The following NKAIN3 variants were observed in gnomAD, a reference collection of about 807,000 sequenced individuals.
NKAIN3 encodes sodium/potassium transporting ATPase interacting 3, also known as sodium/potassium-transporting ATPase subunit beta-1-interacting protein 3.
A neutral mutation model predicts 30.2 loss-of-function variants in NKAIN3; 25 were observed. The observed-to-expected ratio is 0.83, with a 90% CI of 0.60 to 1.16. NKAIN3 has a LOEUF of 1.16. Among genes scored for constraint, NKAIN3 ranks in the 50% most tolerant of loss-of-function variants. NKAIN3 has a pLI of 0.00. For missense variants in NKAIN3, 225 were observed against 254.1 expected (o/e 0.89, Z 0.78); for synonymous variants, 91 against 89.6 (o/e 1.02, Z -0.09).
intron 1 of NKAIN3, among the ~76,000 whole-genome samples, chr8:62,252,360 C>T (rs372748673): frequency 2.2e-4 from 33 of 152,270 alleles, no homozygotes; most frequent in East Asian, 1.5e-3. Context: ...AAAAGCTTTT[C>T]GTTATCTTAT....
chr8:62,754,079 T>C (rs966512417), intron 4 of NKAIN3, among the ~76,000 whole-genome samples: 3 of 152,110 alleles, frequency 2.0e-5, no homozygotes, highest in African/African-American at 7.2e-5. Context: ...ATATTTTAAA[T>C]AATACTATTT....
intron 3 of NKAIN3, among the ~76,000 whole-genome samples, chr8:62,591,783 G>GTAACATCTCCC (rs1810662197): frequency 6.6e-6 from 1 of 151,964 alleles, no homozygotes; most frequent in South Asian, 2.1e-4. Flanking sequence ...TCAAAGACTG[G>GTAACATCTCCC]TAACATCTCC....
intron 1 of NKAIN3, among the ~76,000 whole-genome samples, chr8:62,274,727 T>C (rs1812879520): frequency 6.6e-6 from 1 of 152,018 alleles, no homozygotes; most frequent in African/African-American, 2.4e-5. Flanking sequence ...GTTTATCTCC[T>C]AATGCTATCC....
intron 1 of NKAIN3, among the ~76,000 whole-genome samples, chr8:62,326,960 A>T (rs182487361): frequency 5.2e-4 from 79 of 152,068 alleles, no homozygotes; most frequent in African/African-American, 1.9e-3. Flanking sequence ...ATCCTTGCCA[A>T]CACTTGCTAT....
At chr8:62,556,420 G>A (rs1331545544) in intron 1 of NKAIN3, among the ~76,000 whole-genome samples, 1 of 151,522 alleles carries the variant, frequency 6.6e-6, no homozygotes, top group Non-Finnish European at 1.5e-5. Context: ...TAGAAAAAAG[G>A]AGCCTAGAAA....
At chr8:62,517,775 C>T (rs561899553) in intron 1 of NKAIN3, among the ~76,000 whole-genome samples, 3 of 152,228 alleles carry the variant, frequency 2.0e-5, no homozygotes, top group African/African-American at 7.2e-5. Flanking sequence ...TCAGGACCAT[C>T]GATTTTAAGT....
intron 3 of NKAIN3, among the ~76,000 whole-genome samples, chr8:62,679,595 G>A (rs1429196120): frequency 6.6e-6 from 1 of 152,170 alleles, no homozygotes; most frequent in Admixed American, 6.5e-5. Flanking sequence ...TCTGCTTCTG[G>A]GGAGGTGTCA....
chr8:62,818,850 G>T (rs536465484), intron 4 of NKAIN3, among the ~76,000 whole-genome samples: 1 of 152,054 alleles, frequency 6.6e-6, no homozygotes, highest in South Asian at 2.1e-4. Context: ...AGAATGTGAG[G>T]AATTTTATGG....
chr8:62,838,996 C>T (rs1329910477), intron 4 of NKAIN3, among the ~76,000 whole-genome samples: 1 of 152,066 alleles, frequency 6.6e-6, no homozygotes, highest in African/African-American at 2.4e-5. Context: ...TAACTCCATT[C>T]CACAGCTCTC....
At chr8:62,592,855 A>T (rs1056255687) in intron 3 of NKAIN3, among the ~76,000 whole-genome samples, 1 of 152,106 alleles carries the variant, frequency 6.6e-6, no homozygotes, top group Non-Finnish European at 1.5e-5. Flanking sequence ...AATAGAGATA[A>T]ACAGATGTTT....
At chr8:62,272,233 G>A (rs1403360557) in intron 1 of NKAIN3, among the ~76,000 whole-genome samples, 2 of 152,138 alleles carry the variant, frequency 1.3e-5, no homozygotes, top group African/African-American at 4.8e-5. Context: ...TCTTAACCCA[G>A]GGCAGCATTG....
rs1036740323 is a variant in NKAIN3, at chr8:62,984,137, T to C, written c.*18730T>C. 6.6e-6 allele frequency: 1 copy of C among 152,240 alleles called. No individual in the cohort carries two copies. The highest frequency in any genetic ancestry group is 1.5e-5 in the Non-Finnish European group (1 of 68,036). The allele number at this position is 152,240 out of a possible 1,614,324, so 9.4% of individuals were successfully genotyped here. On this transcript the variant is annotated 3_prime_UTR_variant, in exon 7 of 7. Transcript: ENST00000623646. ...TTGATGATGATTATTGAAAGCACGATAGCAATGTTTAAGTGGTGAGAATGA... is the reference window on the plus strand; with the variant it reads ...TTGATGATGATTATTGAAAGCACGACAGCAATGTTTAAGTGGTGAGAATGA...
chr8:62,987,333 G>C (rs560118704), downstream of NKAIN3, among the ~76,000 whole-genome samples: 2 of 152,038 alleles, frequency 1.3e-5, no homozygotes, highest in Non-Finnish European at 2.9e-5. Context: ...AATCACAGCT[G>C]CTTGGGAGGC....
At chr8:62,985,110 C>T (rs1389909926), downstream of NKAIN3, among the ~76,000 whole-genome samples, 1 of 152,142 alleles carries the variant, frequency 6.6e-6, no homozygotes, top group Admixed American at 6.5e-5. Context: ...CCCTGGAGAG[C>T]GTTTAAATGT....
chr8:62,329,355 A>G (rs551481195), intron 1 of NKAIN3, among the ~76,000 whole-genome samples: 1 of 152,172 alleles, frequency 6.6e-6, no homozygotes, highest in South Asian at 2.1e-4. Context: ...TTCAATTTTT[A>G]TCATGGATTA....
intron 4 of NKAIN3, among the ~76,000 whole-genome samples, chr8:62,822,084 G>A (rs1818865549): frequency 6.6e-6 from 1 of 152,110 alleles, no homozygotes; most frequent in Non-Finnish European, 1.5e-5. Context: ...TTACAACCCA[G>A]TGTGAAGCTT....
intron 1 of NKAIN3, among the ~76,000 whole-genome samples, chr8:62,288,136 A>C (rs914657382): frequency 6.6e-6 from 1 of 152,118 alleles, no homozygotes; most frequent in Non-Finnish European, 1.5e-5. Flanking sequence ...TGGTAGAATC[A>C]CATTCTGCCT....
At chr8:62,964,537 AGTGTGTGTGTGTGTGTGTGT>A (rs56313500) in intron 6 of NKAIN3, among the ~76,000 whole-genome samples, 4 of 133,132 alleles carry the variant, frequency 3.0e-5, no homozygotes, top group Non-Finnish European at 6.4e-5. Flanking sequence ...AGAGAGAGAG[AGTGTGTGTGTGTGTGTGTGT>A]GTGTGTGTGT....
downstream of NKAIN3, among the ~76,000 whole-genome samples, chr8:62,987,054 G>A (rs1293890862): frequency 6.6e-6 from 1 of 152,030 alleles, no homozygotes; most frequent in East Asian, 1.9e-4. Flanking sequence ...CATTGTTTAA[G>A]ACCTAAGTTC....
Sources: allele counts gnomAD v4.1 joint callset (sites outside exome capture counted in the v4.1 genomes callset), GRCh38; gene constraint gnomAD v4.1.1; transcripts MANE v1.5; gene names NCBI Gene and HGNC (gene_info 2026-07-23, HGNC 2026-07-21).